Variants in PCDHA8 observed in about 807,000 individuals in gnomAD.
PCDHA8 encodes the protein protocadherin alpha-8.
Under a neutral mutation model 61.8 loss-of-function variants are expected in PCDHA8, and 53 were observed. That is an observed-to-expected ratio of 0.86 (90% CI 0.69 to 1.08). The LOEUF (loss-of-function observed/expected upper bound fraction) is 1.08, where lower values mean the gene tolerates loss of function less well. Ranked by LOEUF, PCDHA8 falls within the 50% of genes least tolerant of loss-of-function variation. The pLI is 0.00. For synonymous variants in PCDHA8, 618 were observed against 556.6 expected, an observed-to-expected ratio of 1.11 and a Z score of -1.55; for missense variants, 1,293 against 1,245.0, an observed-to-expected ratio of 1.04 and a Z score of -0.58.
At chr5:140,848,644 A>G in intron 1 of PCDHA8, 2 of 1,593,184 alleles carry the variant, frequency 1.3e-6, no homozygotes, top group South Asian at 2.2e-5. Context: ...CGCATCGCGC[A>G]GGACCTGGGG....
In PCDHA8 at chr5:140,897,362, T is replaced by C. The variant is rs1395353589; in HGVS notation, c.2394+53647T>C. Among the ~76,000 whole-genome samples the C allele has an allele frequency of 2.5e-5, 3 of 120,464 alleles. No homozygotes were observed. The East Asian group carries it at 7.6e-4, about 30-fold the overall frequency. 79.0% of individuals were successfully genotyped at this position (120,464 alleles called of 152,430 possible). ...CCCCACCCCACAACTGTCCCCAGAG[T>C]GTGATGTTCCCTTCCCCTTCCTGTG... On this transcript the variant is annotated intron_variant, in intron 1 of 3. Coordinates refer to ENST00000531613, the MANE Select transcript of PCDHA8 (RefSeq NM_018911.3).
At chr5:140,869,126 G>A in intron 1 of PCDHA8, 4 of 1,611,734 alleles carry the variant, frequency 2.5e-6, no homozygotes, top group Non-Finnish European at 3.4e-6. Context: ...CAGAGAAGGG[G>A]ATTGGGCACC....
chr5:140,883,282 G>A (rs781911340), intron 1 of PCDHA8: 6 of 1,613,900 alleles, frequency 3.7e-6, no homozygotes, highest in Non-Finnish European at 5.1e-6. Context: ...CCCTTTTGGT[G>A]GAAGTACTAG....
At position 140,869,273 on chromosome 5, in the gene PCDHA8, C is replaced by A. The variant is rs782135758; in HGVS notation, c.2394+25558C>A. 1.9e-6 allele frequency: 3 copies of A among 1,613,438 alleles called. No homozygotes were observed. Among genetic ancestry groups the A allele is most frequent in the African/African-American group, 2.7e-5 (2 of 74,920 alleles). On this transcript the variant is annotated intron_variant, in intron 1 of 3. Transcript: ENST00000531613. ...GCGCAGGACCTGGGGCTGGAGCTGG[C>A]GGAGCTGGTGCAGCGCCTGTTCCGG...
chr5:140,928,168 A>T, intron 1 of PCDHA8: 3 of 1,614,174 alleles, frequency 1.9e-6, no homozygotes, highest in Non-Finnish European at 2.5e-6. Flanking sequence ...ACCCCCACTT[A>T]GCACCCGAAG....
rs2150364854 is a variant in PCDHA8, at chr5:140,843,675, T to C, written c.2354T>C (p.Val785Ala). ...CCTCCTGATCTGGGATCAGTTGATGTAGGCGAAGAGCAAGATTTAAATGTT... is the reference window on the plus strand; with the variant it reads ...CCTCCTGATCTGGGATCAGTTGATGCAGGCGAAGAGCAAGATTTAAATGTT... ...CLPPDLGSVD[V>A]GEEQDLNVDH... Residue 785 changes from valine to alanine, a missense_variant, in exon 1 of 4, where the codon GTA (valine) becomes GCA (alanine). Val to Ala is a moderately conservative substitution (Grantham distance 64). Transcript: ENST00000531613. 4.1e-5 allele frequency: 65 copies of C among 1,591,382 alleles called. 8 individuals are homozygous for C. The highest frequency in any genetic ancestry group is 5.5e-5 in the Non-Finnish European group (64 of 1,161,214).
At chr5:140,843,834 GT>G in intron 1 of PCDHA8, 119 bp downstream of exon 1, 2 of 1,102,918 alleles carry the variant, frequency 1.8e-6, no homozygotes, top group Non-Finnish European at 2.6e-6. Flanking sequence ...ACATTGTTTA[GT>G]TTTTAGAAAC....
chr5:140,914,801 A>G (rs976508278), intron 1 of PCDHA8, among the ~76,000 whole-genome samples: 2 of 152,164 alleles, frequency 1.3e-5, no homozygotes, highest in African/African-American at 4.8e-5. Context: ...TTTTAAACTG[A>G]TGGCAACTTA....
intron 1 of PCDHA8, chr5:140,870,673 C>T (rs1554164562): frequency 1.9e-6 from 3 of 1,612,666 alleles, no homozygotes; most frequent in Non-Finnish European, 1.7e-6. Context: ...GCCGTTGGAC[C>T]ACGAGGAGCT....
chr5:140,959,772 C>T (rs1554224331), intron 1 of PCDHA8, among the ~76,000 whole-genome samples: 1 of 152,120 alleles, frequency 6.6e-6, no homozygotes, highest in East Asian at 1.9e-4. Flanking sequence ...TCAGTAAGAA[C>T]AGTGTATATT....
rs782030896 is a variant in PCDHA8, at chr5:140,857,680, G to C, written c.2394+13965G>C. ...CGCGCGATGGGGGCGTGCCGCCTCT[G>C]GGCAGCAACTTGACGCTGCAGGTGT... On this transcript the variant is annotated intron_variant, in intron 1 of 3. Coordinates refer to ENST00000531613, the MANE Select transcript of PCDHA8 (RefSeq NM_018911.3). 20 of 1,597,122 alleles carry C rather than the reference G, an allele frequency of 1.3e-5. 2 individuals are homozygous for C. Among genetic ancestry groups the C allele is most frequent in the South Asian group, 2.2e-5 (2 of 90,508 alleles).
intron 1 of PCDHA8, chr5:140,849,034 T>A: frequency 6.3e-7 from 1 of 1,579,556 alleles, no homozygotes; most frequent in Non-Finnish European, 8.6e-7. Context: ...TATTTCTTCC[T>A]GGACGTGCCA....
intron 1 of PCDHA8, among the ~76,000 whole-genome samples, chr5:140,961,393 G>C (rs1224822152): frequency 6.6e-6 from 1 of 152,104 alleles, no homozygotes; most frequent in African/African-American, 2.4e-5. Context: ...TATTCCATTA[G>C]TAAACACTTT....
At chr5:140,903,416 T>A (rs2070284951) in intron 1 of PCDHA8, among the ~76,000 whole-genome samples, 1 of 152,184 alleles carries the variant, frequency 6.6e-6, no homozygotes, top group Admixed American at 6.5e-5. Flanking sequence ...TCAGGAAAAA[T>A]TCAGCACAAT....
chr5:140,851,595 G>A (rs1470017891), intron 1 of PCDHA8: 19 of 919,212 alleles, frequency 2.1e-5, no homozygotes, highest in Non-Finnish European at 2.5e-5. Flanking sequence ...TTGAAATTCA[G>A]TTTACAGAAA....
At chr5:140,862,614 C>A (rs939104961) in intron 1 of PCDHA8, 11 of 523,250 alleles carry the variant, frequency 2.1e-5, no homozygotes, top group Non-Finnish European at 3.9e-5. Flanking sequence ...TGAAAGGTAA[C>A]AACCCGCGGG....
At chr5:140,914,782 G>T (rs563426406) in intron 1 of PCDHA8, among the ~76,000 whole-genome samples, 3 of 151,862 alleles carry the variant, frequency 2.0e-5, no homozygotes, top group Non-Finnish European at 4.4e-5. Context: ...CTTATCTTAT[G>T]ACCCATTATT....
intron 3 of PCDHA8, among the ~76,000 whole-genome samples, chr5:140,984,886 C>A (rs1254649508): frequency 1.3e-5 from 2 of 151,720 alleles, no homozygotes; most frequent in Non-Finnish European, 2.9e-5. Context: ...ACCATGAGAA[C>A]TAAAGGAGAA....
chr5:140,968,234 A>T (rs1426230655), intron 1 of PCDHA8: 1 of 1,613,870 alleles, frequency 6.2e-7, no homozygotes, highest in Non-Finnish European at 8.5e-7. Flanking sequence ...GTTGCTCTGT[A>T]CTGTGCAAGC....
Sources: gnomAD v4.1 joint callset for allele counts (sites outside exome capture counted in the v4.1 genomes callset) on GRCh38, gnomAD v4.1.1 for gene constraint, MANE v1.5 for transcripts, NCBI Gene and HGNC (gene_info 2026-07-23, HGNC 2026-07-21) for gene names.